BBS2: variants seen among roughly 807,000 people sequenced by gnomAD.
BBS2 encodes BBSome complex member BBS2.
A neutral mutation model predicts 83.0 loss-of-function variants in BBS2; 62 were observed. That is an observed-to-expected ratio of 0.75 (90% CI 0.61 to 0.92). The LOEUF (loss-of-function observed/expected upper bound fraction) is 0.92. Ranked by LOEUF, BBS2 falls within the 40% of genes least tolerant of loss-of-function variation. The probability of loss-of-function intolerance (pLI) is 0.00; values close to 1 mark genes in which losing one functional copy is unlikely to be tolerated. For synonymous variants in BBS2, 303 were observed against 326.1 expected (o/e 0.93, Z 0.76); for missense variants, 784 against 901.0 (o/e 0.87, Z 1.66).
chr16:56,470,651 C>CA (rs760011319), exon 18 of BBS2: 1 of 1,614,138 alleles, frequency 6.2e-7, no homozygotes, highest in Non-Finnish European at 8.5e-7. Context: ...AAAAAAGAGG[C>CA]AGAAACCACT....
intron 17 of BBS2, among the ~76,000 whole-genome samples, chr16:56,475,835 G>A (rs1271044060): frequency 3.9e-5 from 6 of 152,228 alleles, no homozygotes; most frequent in South Asian, 2.1e-4. Context: ...AGAAATAAAT[G>A]TAATAGGTAA....
intron 1 of BBS2, among the ~76,000 whole-genome samples, chr16:56,515,556 A>G (rs1964712962): frequency 6.6e-6 from 1 of 152,222 alleles, no homozygotes; most frequent in South Asian, 2.1e-4. Flanking sequence ...GATGAAAAAC[A>G]CTGGACTAGG....
chr16:56,498,868 T>G, intron 12 of BBS2: 6 of 492,340 alleles, frequency 1.2e-5, no homozygotes, highest in South Asian at 1.2e-4. Flanking sequence ...AGACATAGTC[T>G]TATATGCAAT....
At chr16:56,501,324 C>G (rs1487261160) in intron 10 of BBS2, 29 bp downstream of exon 10, 1 of 1,612,958 alleles carries the variant, frequency 6.2e-7, no homozygotes, top group South Asian at 1.1e-5. Context: ...ACAGGTGCCT[C>G]TAAATACCAG....
chr16:56,489,453 T>A lies in BBS2; in HGVS notation c.1911-3715A>T, dbSNP rs1963876479. Among the ~76,000 whole-genome samples the A allele has an allele frequency of 2.6e-5, 4 of 152,112 alleles. No homozygotes were observed. The South Asian group carries it at 6.2e-4, about 24-fold the overall frequency. On this transcript the variant is annotated intron_variant, in intron 15 of 16. Transcript: ENST00000245157. ...TTCAACTGTGTACAGAAATATGATATATGATAAGGGCAGTATCTGAAATCA... is the reference window on the plus strand; with the variant it reads ...TTCAACTGTGTACAGAAATATGATAAATGATAAGGGCAGTATCTGAAATCA...
At chr16:56,489,085 A>G (rs1272329625) in intron 15 of BBS2, among the ~76,000 whole-genome samples, 1 of 151,102 alleles carries the variant, frequency 6.6e-6, no homozygotes, top group Non-Finnish European at 1.5e-5. Context: ...CCAGCCAAAC[A>G]TTAAAAAAAA....
At chr16:56,473,623 T>G (rs187351041) in intron 17 of BBS2, among the ~76,000 whole-genome samples, 2 of 152,372 alleles carry the variant, frequency 1.3e-5, no homozygotes, top group African/African-American at 4.8e-5. Flanking sequence ...TCCAACTTGC[T>G]TATTCTTTAG....
intron 17 of BBS2, among the ~76,000 whole-genome samples, chr16:56,473,594 A>G (rs1373788688): frequency 6.6e-6 from 1 of 152,174 alleles, no homozygotes; most frequent in Non-Finnish European, 1.5e-5. Flanking sequence ...TCTTCCTAGC[A>G]AACTGTTATA....
chr16:56,484,722 A>T lies in BBS2; in HGVS notation c.*39T>A. 6.3e-7 allele frequency: 1 copy of T among 1,578,596 alleles called. No individual in the cohort carries two copies. Among genetic ancestry groups the T allele is most frequent in the Non-Finnish European group, 8.7e-7 (1 of 1,148,602 alleles). On this transcript the variant is annotated 3_prime_UTR_variant, in exon 17 of 17. Coordinates refer to ENST00000245157, the MANE Select transcript of BBS2 (RefSeq NM_031885.5). ...AAACCAGCATAGGTTTTTAACAGAA[A>T]ATCTTTGCCAGGAACTTCATGACCT...
chr16:56,499,845 G>A lies in BBS2; in HGVS notation c.1460C>T (p.Thr487Ile), dbSNP rs767448049. ...QLPRFSMYALTSLDPASEPIS... is the reference protein window; with the variant it reads ...QLPRFSMYALISLDPASEPIS... ...TGGCTCACTGGCAGGGTCCAGGCTG[G>A]TCAGCGCATACATGGAGAATCGAGG... is the stretch of plus-strand genomic sequence containing the variant. The change falls in exon 12 of 17, where the codon ACC (threonine) becomes ATC (isoleucine). Residue 487 changes from threonine (T) to isoleucine (I), a missense_variant. Physicochemically the swap from Thr to Ile is moderately conservative, Grantham distance 89 (BLOSUM62 -1). Transcript: ENST00000245157. 9 of 1,614,090 alleles carry A rather than the reference G, an allele frequency of 5.6e-6. No homozygotes were observed. The highest frequency in any genetic ancestry group is 7.6e-6 in the Non-Finnish European group (9 of 1,180,038).
intron 5 of BBS2, among the ~76,000 whole-genome samples, chr16:56,508,269 A>G (rs981217774): frequency 2.6e-5 from 4 of 152,290 alleles, no homozygotes; most frequent in African/African-American, 9.6e-5. Context: ...TTTATGAGTG[A>G]CATGAAGCAA....
chr16:56,501,723 C>G (rs1964281411), intron 9 of BBS2: 1 of 581,632 alleles, frequency 1.7e-6, no homozygotes, highest in Non-Finnish European at 3.0e-6. Flanking sequence ...GTATGGTCCA[C>G]TGTATCCCAT....
chr16:56,516,498 G>A (rs1485981368), intron 1 of BBS2, among the ~76,000 whole-genome samples: 2 of 152,170 alleles, frequency 1.3e-5, no homozygotes, highest in African/African-American at 4.8e-5. Flanking sequence ...CTGGGTCCTA[G>A]GGATTCTCCT....
downstream of BBS2, among the ~76,000 whole-genome samples, chr16:56,481,147 A>G (rs1294274802): frequency 6.6e-6 from 1 of 152,060 alleles, no homozygotes; most frequent in Non-Finnish European, 1.5e-5. Context: ...ATTAATAACA[A>G]TGTTGAAAAT....
Position 56,499,782 on chromosome 16 carries a change from T to G in BBS2, c.1523A>C (p.Gln508Pro), listed in dbSNP as rs115328064. The change falls in exon 12 of 17, where the codon CAG becomes CCG. Residue 508 changes from glutamine (Q) to proline (P), a missense_variant. Transcript: ENST00000245157. ...AGAGAAAAGCGAGATACTCACCCTC[T>G]GTGCCCGTTCTGCAATGGTAAAGTT... Reference protein sequence around the residue: ...YVNFTIAERAQRVVVWLGQNF... With the variant: ...YVNFTIAERAPRVVVWLGQNF... The G allele has an allele frequency of 1.5e-4, 248 of 1,614,154 alleles. No homozygotes were observed. In the African/African-American group the frequency reaches 2.1e-3, roughly 14 times the overall value.
At chr16:56,519,670 G>A (rs375530131) in intron 1 of BBS2, 76 bp downstream of exon 1, 28 of 1,228,700 alleles carry the variant, frequency 2.3e-5, no homozygotes, top group African/African-American at 1.5e-4. Context: ...GAGAGGGGAC[G>A]GGATCCCAGG....
In BBS2 at chr16:56,500,902, T is replaced by C; in HGVS notation, c.1349A>G (p.Asp450Gly). Residue 450 changes from aspartate (D) to glycine (G), a missense_variant, in exon 11 of 17, where the codon GAT becomes GGT. Physicochemically the swap from Asp to Gly is moderately conservative, Grantham distance 94. Coordinates refer to ENST00000245157, the MANE Select transcript of BBS2 (RefSeq NM_031885.5). ...CTTCAAGTGCAGATCCACAGGGACA[T>C]CTTTGGGAGGCACAATAGGGATGCA... ...SICIPIVPPK[D>G]VPVDLHLKAF... 1 of 1,614,144 alleles carries C rather than the reference T, an allele frequency of 6.2e-7. No individual in the cohort carries two copies. Among genetic ancestry groups the C allele is most frequent in the Non-Finnish European group, 8.5e-7 (1 of 1,180,030 alleles).
intron 17 of BBS2, among the ~76,000 whole-genome samples, chr16:56,472,286 T>A (rs1487817324): frequency 7.9e-5 from 12 of 152,206 alleles, no homozygotes; most frequent in Non-Finnish European, 1.5e-4. Context: ...TGTCCAGTTC[T>A]ATTCCTTTTT....
intron 15 of BBS2, among the ~76,000 whole-genome samples, chr16:56,493,460 A>C (rs990443337): frequency 3.3e-5 from 5 of 151,754 alleles, no homozygotes; most frequent in Admixed American, 6.6e-5. Context: ...CTAAGACATG[A>C]AGAGGGGTGT....
Sources: allele counts gnomAD v4.1 joint callset (sites outside exome capture counted in the v4.1 genomes callset), GRCh38; gene constraint gnomAD v4.1.1; transcripts MANE v1.5; gene names NCBI Gene and HGNC (gene_info 2026-07-23, HGNC 2026-07-21).